DDX60: variants seen among roughly 807,000 people sequenced by gnomAD.
The protein encoded by DDX60 is probable ATP-dependent RNA helicase DDX60.
A neutral mutation model predicts 212.8 loss-of-function variants in DDX60; 165 were observed. The observed-to-expected ratio is 0.78, with a 90% CI of 0.68 to 0.88. The LOEUF (loss-of-function observed/expected upper bound fraction) is 0.88, where lower values mean the gene tolerates loss of function less well. Among genes scored for constraint, DDX60 ranks in the 40% least tolerant of loss-of-function variants. The pLI is 0.00. For missense variants in DDX60, 1,905 were observed against 2,003.9 expected, an observed-to-expected ratio of 0.95 and a Z score of 0.94; for synonymous variants, 703 against 685.3, an observed-to-expected ratio of 1.03 and a Z score of -0.40.
intron 17 of DDX60, 143 bp from the exon 18 acceptor site, chr4:168,273,541 A>C: frequency 1.1e-6 from 1 of 871,140 alleles, no homozygotes; most frequent in South Asian, 1.9e-5. Flanking sequence ...TACTCTAAAC[A>C]CACTAACATA....
chr4:168,284,460 G>A (rs533219506), intron 12 of DDX60, among the ~76,000 whole-genome samples: 1 of 152,250 alleles, frequency 6.6e-6, no homozygotes, highest in South Asian at 2.1e-4. Flanking sequence ...ATAGAATGCT[G>A]GTGCTTGTTA....
At chr4:168,261,277 C>T (rs1734613029) in intron 24 of DDX60, among the ~76,000 whole-genome samples, 1 of 152,042 alleles carries the variant, frequency 6.6e-6, no homozygotes, top group South Asian at 2.1e-4. Flanking sequence ...GCAAATGATG[C>T]TGGTTTCACT....
chr4:168,289,124 T>C (rs1220505349), intron 8 of DDX60, among the ~76,000 whole-genome samples: 1 of 152,316 alleles, frequency 6.6e-6, no homozygotes, highest in Middle Eastern at 3.4e-3. Flanking sequence ...AGTTTTTCCT[T>C]TGCAAAATGA....
chr4:168,262,208 C>T, intron 23 of DDX60, 80 bp from the exon 24 acceptor site: 1 of 1,459,144 alleles, frequency 6.9e-7, no homozygotes, highest in Non-Finnish European at 9.1e-7. Context: ...GCCTCATTAA[C>T]AGCCTTACAA....
chr4:168,234,704 T>G (rs770347195), intron 33 of DDX60, among the ~76,000 whole-genome samples: 2 of 152,128 alleles, frequency 1.3e-5, no homozygotes, highest in Non-Finnish European at 2.9e-5. Context: ...CATATGTTCA[T>G]GCTTACTCAC....
At chr4:168,262,165 G>A (rs746248287) in intron 23 of DDX60, 37 bp from the exon 24 acceptor site, 3 of 1,557,190 alleles carry the variant, frequency 1.9e-6, no homozygotes, top group African/African-American at 2.8e-5. Flanking sequence ...GCACAATCAT[G>A]CAAGAAAATC....
In DDX60 at chr4:168,275,490, T is replaced by C; in HGVS notation, c.2159A>G (p.Asp720Gly). Residue 720 changes from aspartate (D) to glycine (G), a missense_variant, in exon 16 of 38, where the codon GAT (aspartate) becomes GGT (glycine). Physicochemically the swap from Asp to Gly is moderately conservative, Grantham distance 94. Coordinates refer to ENST00000393743, the MANE Select transcript of DDX60 (RefSeq NM_017631.6). ...TTTATTCCTTTTCTTCACTTTTACATCATTTTCTGCATCCTGCATTATTTT... is the reference window on the plus strand; with the variant it reads ...TTTATTCCTTTTCTTCACTTTTACACCATTTTCTGCATCCTGCATTATTTT... The part of the protein sequence containing the change: ...SLHPAQDAEN[D>G]VKVKKRNKYS... 2 of 1,604,392 alleles carry C rather than the reference T, an allele frequency of 1.2e-6. No homozygotes were observed. The highest frequency in any genetic ancestry group is 1.7e-6 in the Non-Finnish European group (2 of 1,175,736).
chr4:168,233,870 A>AT (rs1000273587), intron 33 of DDX60, among the ~76,000 whole-genome samples: 1 of 152,074 alleles, frequency 6.6e-6, no homozygotes, highest in African/African-American at 2.4e-5. Flanking sequence ...AAAAAAAAAT[A>AT]CCAAAAAAAT....
intron 6 of DDX60, among the ~76,000 whole-genome samples, chr4:168,299,157 C>CAAAAAAAAAAAA (rs1197872492): frequency 8.2e-4 from 51 of 61,926 alleles, no homozygotes; most frequent in African/African-American, 2.2e-3. Context: ...GAGACTGTCT[C>CAAAAAAAAAAAA]AAAAAAAAAA....
chr4:168,245,364 G>A (rs1733985997), intron 30 of DDX60, among the ~76,000 whole-genome samples: 4 of 152,166 alleles, frequency 2.6e-5, no homozygotes, highest in Non-Finnish European at 5.9e-5. Flanking sequence ...TTGATTTGAT[G>A]AATGAAGATA....
chr4:168,292,009 G>A (rs1736126149), intron 7 of DDX60, 103 bp from the exon 8 acceptor site: 2 of 644,700 alleles, frequency 3.1e-6, no homozygotes, highest in Non-Finnish European at 4.8e-6. Flanking sequence ...TGCTGTTCAG[G>A]AATCATGAAT....
At chr4:168,312,096 T>A (rs1270761286) in intron 1 of DDX60, among the ~76,000 whole-genome samples, 1 of 152,092 alleles carries the variant, frequency 6.6e-6, no homozygotes, top group Non-Finnish European at 1.5e-5. Flanking sequence ...ATTTAGGAGA[T>A]GAGCTTGACA....
intron 33 of DDX60, among the ~76,000 whole-genome samples, chr4:168,234,392 T>A (rs900691492): frequency 1.3e-5 from 2 of 152,106 alleles, no homozygotes; most frequent in Non-Finnish European, 1.5e-5. Context: ...TCTGATTTTT[T>A]AATTTTTTTT....
Position 168,306,568 on chromosome 4 carries a change from G to A in DDX60, c.417C>T (p.Tyr139=). ...CGTCTGCAACTATCAGGAAATATGG[G>A]TAACTCTCTTCCAAGAAACTTCCCC... ...KEWGSFLEES[Y]PYFLIVADEG... is the part of the protein sequence containing the mutation. Residue 139 remains tyrosine, a synonymous_variant, in exon 5 of 38, where the codon TAC becomes TAT. Coordinates refer to ENST00000393743, the MANE Select transcript of DDX60 (RefSeq NM_017631.6). The A allele has an allele frequency of 1.2e-6, 2 of 1,614,116 alleles. No homozygotes were observed. Among genetic ancestry groups the A allele is most frequent in the Non-Finnish European group, 1.7e-6 (2 of 1,180,008 alleles).
At chr4:168,323,948 A>G in the DDX60 span, among the ~76,000 whole-genome samples, 1 of 152,218 alleles carries the variant, frequency 6.6e-6, no homozygotes. Context: ...TCTAGCACAT[A>G]TCGTGGTGGT....
intron 17 of DDX60, 30 bp from the exon 18 acceptor site, chr4:168,273,428 C>A: frequency 1.2e-6 from 2 of 1,611,468 alleles, no homozygotes; most frequent in South Asian, 2.2e-5. Flanking sequence ...ATCCATTAGT[C>A]ACATAATAGA....
intron 6 of DDX60, among the ~76,000 whole-genome samples, chr4:168,295,636 A>G (rs12331392): frequency 0.016 from 2,500 of 152,304 alleles, 85 homozygotes; most frequent in African/African-American, 0.056. Context: ...TCATTGCTCA[A>G]TTAAACTCCT....
At position 168,260,979 on chromosome 4, in the gene DDX60, A is replaced by G. The variant is rs1345872564; in HGVS notation, c.3284T>C (p.Val1095Ala). The G allele has an allele frequency of 6.2e-7, 1 of 1,612,962 alleles. No homozygotes were observed. Among genetic ancestry groups the G allele is most frequent in the Non-Finnish European group, 8.5e-7 (1 of 1,179,692 alleles). ...KNGNVEQARM[V>A]LQNLSPEADL... ...TGCTTCAGGACTAAGATTCTGAAGT[A>G]CCATTCTGGCCTGTAGTGGTGAATA... is the stretch of plus-strand genomic sequence containing the variant. Residue 1095 changes from valine (V) to alanine (A), a missense_variant, in exon 25 of 38, where the codon GTA (valine) becomes GCA (alanine). Transcript: ENST00000393743.
At chr4:168,271,064 G>A (rs1333718867) in intron 19 of DDX60, among the ~76,000 whole-genome samples, 4 of 151,848 alleles carry the variant, frequency 2.6e-5, no homozygotes, top group Non-Finnish European at 5.9e-5. Flanking sequence ...TTTTAGTAGA[G>A]ATGGGGTTTC....
Sources: allele counts gnomAD v4.1 joint callset (sites outside exome capture counted in the v4.1 genomes callset), GRCh38; gene constraint gnomAD v4.1.1; transcripts MANE v1.5; gene names NCBI Gene and HGNC (gene_info 2026-07-23, HGNC 2026-07-21).